PRKDC: variants seen among roughly 807,000 people sequenced by gnomAD.
PRKDC encodes protein kinase, DNA-activated, catalytic subunit.
In PRKDC, 82 loss-of-function variants were observed where a neutral mutation model predicts 486.9. The observed-to-expected ratio is 0.17, with a 90% CI of 0.14 to 0.20. The LOEUF (loss-of-function observed/expected upper bound fraction) is 0.20, where lower values mean the gene tolerates loss of function less well. Ranked by LOEUF, PRKDC falls within the 10% of genes least tolerant of loss-of-function variation. The pLI is 1.00. For synonymous variants in PRKDC, 1,895 were observed against 1,837.0 expected, an observed-to-expected ratio of 1.03 and a Z score of -0.81; for missense variants, 4,504 against 5,038.2, an observed-to-expected ratio of 0.89 and a Z score of 3.21.
At chr8:47,879,834 C>CA (rs1554638091) in intron 38 of PRKDC, among the ~76,000 whole-genome samples, 176 bp from the exon 39 acceptor site, 9 of 99,218 alleles carry the variant, frequency 9.1e-5, no homozygotes, top group African/African-American at 3.7e-4. Context: ...TATACCTCAG[C>CA]TTTTTTTTTT....
intron 68 of PRKDC, among the ~76,000 whole-genome samples, chr8:47,810,515 C>T (rs1381001122): frequency 6.6e-6 from 1 of 152,134 alleles, no homozygotes; most frequent in East Asian, 1.9e-4. Context: ...GAAGCGACTA[C>T]TATATTCACA....
chr8:47,828,113 C>T, intron 62 of PRKDC, 55 bp downstream of exon 62: 2 of 1,514,490 alleles, frequency 1.3e-6, no homozygotes, highest in Non-Finnish European at 1.8e-6. Flanking sequence ...GATGGAAAGG[C>T]CATGTGAAGC....
At chr8:47,869,242 T>C (rs899368765) in intron 40 of PRKDC, among the ~76,000 whole-genome samples, 1 of 151,642 alleles carries the variant, frequency 6.6e-6, no homozygotes, top group Non-Finnish European at 1.5e-5. Flanking sequence ...GTAGTACAGC[T>C]TGCAGTAATA....
At chr8:47,882,453 T>A (rs1264677157) in intron 36 of PRKDC, among the ~76,000 whole-genome samples, 1 of 150,452 alleles carries the variant, frequency 6.6e-6, no homozygotes, top group African/African-American at 2.5e-5. Context: ...AATATGCACA[T>A]ATGCACAAAT....
chr8:47,918,984 A>C (rs1313673942), intron 21 of PRKDC, among the ~76,000 whole-genome samples: 1 of 152,112 alleles, frequency 6.6e-6, no homozygotes, highest in Non-Finnish European at 1.5e-5. Flanking sequence ...AGCAATCATA[A>C]ACTTACAGAG....
At chr8:47,880,336 T>C (rs186920161) in intron 38 of PRKDC, among the ~76,000 whole-genome samples, 1 of 152,314 alleles carries the variant, frequency 6.6e-6, no homozygotes, top group East Asian at 1.9e-4. Context: ...AGTTTACAAC[T>C]ACACATTGCA....
intron 16 of PRKDC, among the ~76,000 whole-genome samples, chr8:47,931,080 T>C (rs1426303238): frequency 2.6e-5 from 4 of 152,156 alleles, no homozygotes; most frequent in East Asian, 1.9e-4. Context: ...TTGACAGAGA[T>C]AGAATTTTAA....
At chr8:47,917,076 C>T (rs1433718584) in intron 22 of PRKDC, among the ~76,000 whole-genome samples, 1 of 151,976 alleles carries the variant, frequency 6.6e-6, no homozygotes, top group African/African-American at 2.4e-5. Context: ...GGCAACAATG[C>T]AAAACCCATC....
At chr8:47,923,858 T>A (rs1394025600) in intron 21 of PRKDC, among the ~76,000 whole-genome samples, 3 of 152,200 alleles carry the variant, frequency 2.0e-5, no homozygotes, top group African/African-American at 7.2e-5. Context: ...ACACCTTGAA[T>A]TCAGTCACAT....
At chr8:47,862,316 T>G in intron 43 of PRKDC, 57 bp downstream of exon 43, 2 of 1,519,574 alleles carry the variant, frequency 1.3e-6, no homozygotes, top group Non-Finnish European at 1.8e-6. Context: ...TTGACTGATA[T>G]AATCTAACTT....
intron 16 of PRKDC, 69 bp downstream of exon 16, chr8:47,932,951 T>C: frequency 7.1e-7 from 1 of 1,403,198 alleles, no homozygotes; most frequent in Non-Finnish European, 9.6e-7. Flanking sequence ...TATTGTCCCC[T>C]AAATATTTAT....
At chr8:47,954,278 A>G (rs2090669264) in intron 5 of PRKDC, 60 bp downstream of exon 5, 2 of 728,854 alleles carry the variant, frequency 2.7e-6, no homozygotes, top group Non-Finnish European at 4.1e-6. Context: ...GTCTTATGCT[A>G]ATAATTTGTT....
intron 16 of PRKDC, among the ~76,000 whole-genome samples, chr8:47,931,638 G>A (rs1432965047): frequency 1.3e-5 from 2 of 152,158 alleles, no homozygotes; most frequent in Non-Finnish European, 2.9e-5. Context: ...CCACCGGCTT[G>A]TACTGTGTCC....
rs1211391188 is a variant in PRKDC, at chr8:47,939,599, G to A, written c.1065C>T (p.Asn355=). Residue 355 remains asparagine, a synonymous_variant, in exon 11 of 86, where the codon AAC becomes AAT. Coordinates refer to ENST00000314191, the MANE Select transcript of PRKDC (RefSeq NM_006904.7). ...GGATAGCAATAGATAACTCCTTGTT[G>A]TTCGAATCCACATTTCTGATGATTC... is the stretch of plus-strand genomic sequence containing the variant. ...FYGIIRNVDS[N]NKELSIAIRG... 1.2e-6 allele frequency: 2 copies of A among 1,613,510 alleles called. No homozygotes were observed. The highest frequency in any genetic ancestry group is 8.5e-7 in the Non-Finnish European group (1 of 1,179,552).
chr8:47,871,756 G>T (rs1480976650), intron 40 of PRKDC, among the ~76,000 whole-genome samples: 6 of 152,080 alleles, frequency 3.9e-5, no homozygotes, highest in Admixed American at 1.3e-4. Flanking sequence ...CCGCCACCAC[G>T]CCTGGCTTAT....
intron 52 of PRKDC, among the ~76,000 whole-genome samples, chr8:47,852,270 T>C (rs915505692): frequency 2.0e-5 from 3 of 152,190 alleles, no homozygotes; most frequent in Non-Finnish European, 4.4e-5. Context: ...GGGAGATCCC[T>C]GCCCCTGTTC....
chr8:47,943,422 A>T, intron 9 of PRKDC, 56 bp from the exon 10 acceptor site: 1 of 1,500,138 alleles, frequency 6.7e-7, no homozygotes, highest in Non-Finnish European at 8.9e-7. Flanking sequence ...CAGAACAGAA[A>T]ACCAACAAAC....
chr8:47,842,389 C>T (rs913190724), intron 54 of PRKDC, among the ~76,000 whole-genome samples: 1 of 152,080 alleles, frequency 6.6e-6, no homozygotes, highest in Non-Finnish European at 1.5e-5. Context: ...AAAAATTCTT[C>T]TAGTATCCAT....
intron 44 of PRKDC, among the ~76,000 whole-genome samples, chr8:47,861,658 C>T (rs2088680236): frequency 6.6e-6 from 1 of 152,248 alleles, no homozygotes; most frequent in Non-Finnish European, 1.5e-5. Context: ...CTGAGCTTGG[C>T]TAAAACAAAC....
Sources: gnomAD v4.1 joint callset for allele counts (sites outside exome capture counted in the v4.1 genomes callset) on GRCh38, gnomAD v4.1.1 for gene constraint, MANE v1.5 for transcripts, NCBI Gene and HGNC (gene_info 2026-07-23, HGNC 2026-07-21) for gene names.